VPS13B: variants seen among roughly 807,000 people sequenced by gnomAD.
VPS13B encodes the protein vacuolar protein sorting 13 homolog B.
Under a neutral mutation model 426.4 loss-of-function variants are expected in VPS13B, and 285 were observed. The ratio of observed to expected loss-of-function variants is 0.67; its 90% CI spans 0.61 to 0.74. The LOEUF is 0.74. Among genes scored for constraint, VPS13B ranks in the 30% least tolerant of loss-of-function variants. The pLI is 0.00. For missense variants in VPS13B, 4,537 were observed against 4,782.6 expected (o/e 0.95, Z 1.51); for synonymous variants, 1,676 against 1,676.4 (o/e 1.00, Z 0.01).
In VPS13B at chr8:99,868,288, G is replaced by C. The variant is rs1057517441; in HGVS notation, c.11216-1G>C. ...CTTACTGAGGGCTTTTGTTATTCCA[G>C]GTGCAATTGCTGGTATAGTTGATCA... On this transcript the variant is annotated splice_acceptor_variant, in intron 58 of 61. Coordinates refer to ENST00000357162, the MANE Select transcript of VPS13B (RefSeq NM_152564.5). LOFTEE classifies it high-confidence loss of function. The C allele has an allele frequency of 6.2e-7, 1 of 1,614,016 alleles. No individual in the cohort carries two copies. Among genetic ancestry groups the C allele is most frequent in the Non-Finnish European group, 8.5e-7 (1 of 1,180,028 alleles).
intron 35 of VPS13B, among the ~76,000 whole-genome samples, chr8:99,664,248 G>A (rs1006097914): frequency 2.6e-5 from 4 of 151,382 alleles, no homozygotes; most frequent in South Asian, 4.2e-4. Flanking sequence ...CACATGATCC[G>A]CCCACCTTGG....
intron 19 of VPS13B, among the ~76,000 whole-genome samples, chr8:99,310,095 G>A (rs1820870104): frequency 6.6e-6 from 1 of 152,126 alleles, no homozygotes. Context: ...GAGACGATGG[G>A]GTTTTCTAAA....
intron 36 of VPS13B, among the ~76,000 whole-genome samples, chr8:99,711,581 GA>G (rs1192802124): frequency 6.6e-6 from 1 of 151,324 alleles, no homozygotes; most frequent in Non-Finnish European, 1.5e-5. Flanking sequence ...AAAAGAGACT[GA>G]AAAAAAAGTG....
intron 23 of VPS13B, among the ~76,000 whole-genome samples, chr8:99,446,927 T>A (rs1817948606): frequency 6.6e-6 from 1 of 152,182 alleles, no homozygotes; most frequent in African/African-American, 2.4e-5. Context: ...AATAGCACTT[T>A]TATTGAATTT....
At position 99,820,061 on chromosome 8, in the gene VPS13B, A is replaced by T; in HGVS notation, c.8933A>T (p.Glu2978Val). Reference protein sequence around the residue: ...NESKWDLWLFEGEKIVLQVPA... With the variant: ...NESKWDLWLFVGEKIVLQVPA... ...TCCAAATGGGACCTCTGGCTATTTG[A>T]AGGAGAGAAAATTGTTCTACAGGTT... The change falls in exon 49 of 62, where the codon GAA (glutamate) becomes GTA (valine). Residue 2978 changes from glutamate (E) to valine (V), a missense_variant. Glu to Val is a moderately radical substitution (Grantham distance 121). Around this residue, in one of 2 missense-constraint regions of VPS13B, gnomAD observed 4,311 missense variants for 4,474.3 expected, o/e 0.96. Transcript: ENST00000357162. 2 of 1,613,996 alleles carry T rather than the reference A, an allele frequency of 1.2e-6. No individual in the cohort carries two copies. The highest frequency in any genetic ancestry group is 2.2e-5 in the South Asian group (2 of 91,080).
chr8:99,817,351 C>A (rs1411861432), intron 44 of VPS13B, among the ~76,000 whole-genome samples, 189 bp from the exon 45 acceptor site: 1 of 152,018 alleles, frequency 6.6e-6, no homozygotes, highest in Non-Finnish European at 1.5e-5. Flanking sequence ...TTAAATACTG[C>A]AAACTCAACA....
chr8:99,864,777 G>A (rs769109650), intron 58 of VPS13B, among the ~76,000 whole-genome samples: 3 of 152,144 alleles, frequency 2.0e-5, no homozygotes, highest in African/African-American at 4.8e-5. Flanking sequence ...CACAACTTTG[G>A]ATGAGGTAAA....
intron 23 of VPS13B, among the ~76,000 whole-genome samples, chr8:99,445,647 T>G (rs1389639858): frequency 6.6e-6 from 1 of 151,866 alleles, no homozygotes; most frequent in African/African-American, 2.4e-5. Context: ...TTAACACCAT[T>G]TCCACAAAGT....
chr8:99,267,579 T>G (rs566018975), intron 17 of VPS13B, among the ~76,000 whole-genome samples: 2 of 151,198 alleles, frequency 1.3e-5, no homozygotes, highest in East Asian at 3.9e-4. Flanking sequence ...ATACAAAAAT[T>G]AGTGGGGCAT....
intron 3 of VPS13B, among the ~76,000 whole-genome samples, chr8:99,047,947 C>T (rs888404818): frequency 6.6e-6 from 1 of 152,170 alleles, no homozygotes; most frequent in South Asian, 2.1e-4. Context: ...CTTGGCATCC[C>T]AAAGTGCTGG....
intron 17 of VPS13B, among the ~76,000 whole-genome samples, chr8:99,237,757 C>T (rs139509845): frequency 3.6e-4 from 55 of 151,936 alleles, no homozygotes; most frequent in African/African-American, 1.2e-3. Context: ...ATCCATGTGA[C>T]CCGAACCACC....
At chr8:99,826,229 G>C (rs1273266445) in intron 51 of VPS13B, among the ~76,000 whole-genome samples, 2 of 152,102 alleles carry the variant, frequency 1.3e-5, no homozygotes, top group African/African-American at 4.8e-5. Flanking sequence ...ATTTGTATGT[G>C]TCCTCTCCTA....
intron 17 of VPS13B, among the ~76,000 whole-genome samples, chr8:99,271,873 C>A (rs1254555583): frequency 1.3e-5 from 2 of 152,148 alleles, no homozygotes; most frequent in African/African-American, 4.8e-5. Context: ...TCCCTTAAAA[C>A]CTTGGGATTA....
chr8:99,748,551 T>G (rs1367414144), intron 39 of VPS13B, among the ~76,000 whole-genome samples: 1 of 152,040 alleles, frequency 6.6e-6, no homozygotes, highest in African/African-American at 2.4e-5. Flanking sequence ...TAAGAGTGAT[T>G]GGTGCTAAAC....
At chr8:99,767,270 A>C (rs79789194) in intron 40 of VPS13B, among the ~76,000 whole-genome samples, 1 of 152,020 alleles carries the variant, frequency 6.6e-6, no homozygotes, top group Non-Finnish European at 1.5e-5. Flanking sequence ...GTCATCTTCA[A>C]CCTCAAAATA....
intron 2 of VPS13B, among the ~76,000 whole-genome samples, chr8:99,034,107 G>T (rs1842635298): frequency 6.6e-6 from 1 of 152,144 alleles, no homozygotes; most frequent in Non-Finnish European, 1.5e-5. Flanking sequence ...AGCAGCTTTG[G>T]ATTTTGATTT....
chr8:99,369,029 T>G (rs928012824), intron 19 of VPS13B, among the ~76,000 whole-genome samples: 17 of 152,242 alleles, frequency 1.1e-4, no homozygotes, highest in African/African-American at 3.6e-4. Flanking sequence ...TCTCCTTCTT[T>G]AGGACTCTGC....
intron 56 of VPS13B, among the ~76,000 whole-genome samples, 199 bp downstream of exon 56, chr8:99,854,455 T>C (rs1425814217): frequency 6.6e-6 from 1 of 152,208 alleles, no homozygotes; most frequent in African/African-American, 2.4e-5. Context: ...TTATTGAACC[T>C]TCCTGAGTCT....
At chr8:99,691,902 G>A (rs1831686694) in intron 35 of VPS13B, among the ~76,000 whole-genome samples, 1 of 149,258 alleles carries the variant, frequency 6.7e-6, no homozygotes, top group Non-Finnish European at 1.5e-5. Context: ...CCTAGTCTCT[G>A]ATAAAACAGA....
Sources: allele counts gnomAD v4.1 joint callset (sites outside exome capture counted in the v4.1 genomes callset), GRCh38; gene constraint gnomAD v4.1.1; regional missense constraint gnomAD v4.1.1; transcripts MANE v1.5; gene names NCBI Gene and HGNC (gene_info 2026-07-23, HGNC 2026-07-21).